Variants in DCC observed in about 807,000 individuals in gnomAD.
DCC encodes netrin receptor DCC.
Under a neutral mutation model 172.5 loss-of-function variants are expected in DCC, and 58 were observed. That is an observed-to-expected ratio of 0.34 (90% CI 0.27 to 0.42). The LOEUF is 0.42. DCC is among the 10% of genes least tolerant of loss of function. The pLI, the probability that DCC is intolerant of heterozygous loss-of-function variation, is 1.00. For synonymous variants in DCC, 709 were observed against 644.5 expected (o/e 1.10, Z -1.52); for missense variants, 1,740 against 1,791.0 (o/e 0.97, Z 0.51).
At chr18:52,734,712 T>C (rs1457474402) in intron 1 of DCC, among the ~76,000 whole-genome samples, 1 of 152,110 alleles carries the variant, frequency 6.6e-6, no homozygotes, top group African/African-American at 2.4e-5. Flanking sequence ...TCCTCTTTAG[T>C]TCATTAAGTA....
At chr18:53,432,520 T>G (rs1911682260) in intron 21 of DCC, among the ~76,000 whole-genome samples, 1 of 152,212 alleles carries the variant, frequency 6.6e-6, no homozygotes, top group Admixed American at 6.5e-5. Flanking sequence ...GTTTTCTAAA[T>G]TCTGATTACT....
At chr18:52,776,451 T>A (rs1422965805) in intron 2 of DCC, among the ~76,000 whole-genome samples, 1 of 152,110 alleles carries the variant, frequency 6.6e-6, no homozygotes, top group Non-Finnish European at 1.5e-5. Flanking sequence ...GTTCTATTTT[T>A]AAAAAAGCTG....
At chr18:52,780,612 A>C (rs2037521683) in intron 2 of DCC, among the ~76,000 whole-genome samples, 1 of 152,168 alleles carries the variant, frequency 6.6e-6, no homozygotes. Flanking sequence ...ATTATACAGA[A>C]GAATTACAAC....
rs185436096 is a variant in DCC, at chr18:52,485,923, A to G, written c.91+145045A>G. Among the ~76,000 whole-genome samples the G allele has an allele frequency of 2.4e-3, 368 of 152,138 alleles. 3 individuals carry two copies. Among genetic ancestry groups the G allele is most frequent in the African/African-American group, 8.0e-3 (331 of 41,540 alleles). ...ATAAATATCATATAATTTTTATGAT[A>G]AAAAAAGCATGCAGAAAAGAAAACA... On this transcript the variant is annotated intron_variant, in intron 1 of 28. Coordinates refer to ENST00000442544, the MANE Select transcript of DCC (RefSeq NM_005215.4).
At chr18:53,357,161 C>CT (rs2057887173) in intron 15 of DCC, among the ~76,000 whole-genome samples, 1 of 152,036 alleles carries the variant, frequency 6.6e-6, no homozygotes. Context: ...AAACTTTTAG[C>CT]TTTTTAAAGG....
intron 2 of DCC, among the ~76,000 whole-genome samples, chr18:52,771,654 G>A (rs1382704591): frequency 6.6e-6 from 1 of 152,138 alleles, no homozygotes; most frequent in Admixed American, 6.5e-5. Context: ...ATGTGAGGGA[G>A]GTGGGAATTT....
chr18:53,008,306 T>A (rs2041675558), intron 5 of DCC, among the ~76,000 whole-genome samples: 1 of 152,082 alleles, frequency 6.6e-6, no homozygotes, highest in Non-Finnish European at 1.5e-5. Flanking sequence ...CACTAGTATC[T>A]ATTCTACTTA....
chr18:52,962,986 T>A lies in DCC; in HGVS notation c.985+37616T>A, dbSNP rs566886144. 1.3e-4 allele frequency among the ~76,000 whole-genome samples: 19 copies of A among 149,846 alleles called. No individual in the cohort carries two copies. In the East Asian group the frequency reaches 1.6e-3, roughly 13 times the overall value. On this transcript the variant is annotated intron_variant, in intron 5 of 28. Coordinates refer to ENST00000442544, the MANE Select transcript of DCC (RefSeq NM_005215.4). ...GGGGGGAGGGGGGAAGGATAGCATT[T>A]GGAGATATACCTAATGCTAAATGAC...
chr18:52,711,175 A>G (rs2036285566), intron 1 of DCC, among the ~76,000 whole-genome samples: 1 of 152,034 alleles, frequency 6.6e-6, no homozygotes, highest in African/African-American at 2.4e-5. Flanking sequence ...TTATTTGTTT[A>G]TTCTGTCTCC....
intron 2 of DCC, among the ~76,000 whole-genome samples, chr18:52,805,194 T>G (rs1452114250): frequency 6.6e-6 from 1 of 152,228 alleles, no homozygotes; most frequent in Non-Finnish European, 1.5e-5. Flanking sequence ...GTATAATCTC[T>G]GGCTTTCCTT....
Position 52,852,836 on chromosome 18 carries a change from C to T in DCC, c.413-53208C>T, listed in dbSNP as rs187400040. On this transcript the variant is annotated intron_variant, in intron 2 of 28. Transcript: ENST00000442544. ...TTGAAAAATCAGCATTTATTAAATTCTTACTATGGAAATTACATATTTAGT... is the reference window on the plus strand; with the variant it reads ...TTGAAAAATCAGCATTTATTAAATTTTTACTATGGAAATTACATATTTAGT... 1.1e-4 allele frequency among the ~76,000 whole-genome samples: 16 copies of T among 152,186 alleles called. 2 individuals are homozygous for T. The East Asian group carries it at 2.5e-3, about 24-fold the overall frequency.
At chr18:53,174,405 T>C (rs925091401) in intron 8 of DCC, among the ~76,000 whole-genome samples, 9 of 150,832 alleles carry the variant, frequency 6.0e-5, no homozygotes, top group African/African-American at 2.2e-4. Context: ...TTTGAAAGGA[T>C]CAACCAAACT....
At chr18:52,344,204 G>A (rs1983782257) in intron 1 of DCC, among the ~76,000 whole-genome samples, 1 of 152,156 alleles carries the variant, frequency 6.6e-6, no homozygotes, top group Non-Finnish European at 1.5e-5. Flanking sequence ...TGTTTTCATT[G>A]AAGAGGAAGA....
At chr18:52,932,431 C>T (rs1211716300) in intron 5 of DCC, among the ~76,000 whole-genome samples, 3 of 152,144 alleles carry the variant, frequency 2.0e-5, no homozygotes, top group Non-Finnish European at 4.4e-5. Flanking sequence ...TGATCTTTTA[C>T]AAAGTGCCAG....
intron 1 of DCC, among the ~76,000 whole-genome samples, chr18:52,624,310 CA>C (rs1470446513): frequency 6.6e-6 from 1 of 152,132 alleles, no homozygotes; most frequent in Non-Finnish European, 1.5e-5. Flanking sequence ...CACCCACCTT[CA>C]AAGAGATTGT....
At chr18:53,018,321 G>A (rs1377829170) in intron 5 of DCC, among the ~76,000 whole-genome samples, 3 of 152,166 alleles carry the variant, frequency 2.0e-5, no homozygotes, top group Non-Finnish European at 4.4e-5. Flanking sequence ...TGTCAGCTGC[G>A]TTGGTTTTAC....
intron 1 of DCC, among the ~76,000 whole-genome samples, chr18:52,619,509 G>A (rs887295542): frequency 6.6e-6 from 1 of 152,128 alleles, no homozygotes; most frequent in Non-Finnish European, 1.5e-5. Flanking sequence ...AGAGTTCATG[G>A]TGTTTGAAAC....
intron 1 of DCC, among the ~76,000 whole-genome samples, chr18:52,497,344 C>T (rs201187553): frequency 2.9e-5 from 1 of 34,232 alleles, no homozygotes; most frequent in Non-Finnish European, 5.2e-5. Context: ...CACACGTATG[C>T]ATATATATAT....
At chr18:53,426,288 TTA>T (rs1910936608) in intron 21 of DCC, among the ~76,000 whole-genome samples, 1 of 125,156 alleles carries the variant, frequency 8.0e-6, no homozygotes, top group Non-Finnish European at 1.8e-5. Flanking sequence ...TATTACATAT[TTA>T]TAATATATAT....
Sources: gnomAD v4.1 joint callset for allele counts (sites outside exome capture counted in the v4.1 genomes callset) on GRCh38, gnomAD v4.1.1 for gene constraint, MANE v1.5 for transcripts, NCBI Gene and HGNC (gene_info 2026-07-23, HGNC 2026-07-21) for gene names.